CACNA1C: variants seen among roughly 807,000 people sequenced by gnomAD.
CACNA1C encodes the protein voltage-dependent L-type calcium channel subunit alpha-1C.
CACNA1C carries 30 observed loss-of-function variants against 229.0 expected under a neutral mutation model. The observed-to-expected ratio is 0.13, with a 90% confidence interval of 0.10 to 0.18. The LOEUF is 0.18. CACNA1C is among the 10% of genes least tolerant of loss of function. CACNA1C has a pLI of 1.00. For synonymous variants in CACNA1C, 1,114 were observed against 1,132.5 expected (o/e 0.98, Z 0.33); for missense variants, 1,658 against 2,845.0 (o/e 0.58, Z 9.49).
At chr12:2,200,720 G>A (rs2097557728) in intron 3 of CACNA1C, among the ~76,000 whole-genome samples, 1 of 152,212 alleles carries the variant, frequency 6.6e-6, no homozygotes, top group Non-Finnish European at 1.5e-5. Context: ...TGCGATGGTA[G>A]CTGTGGGAGT....
intron 3 of CACNA1C, among the ~76,000 whole-genome samples, chr12:2,425,529 G>A (rs2099021601): frequency 6.6e-6 from 1 of 152,212 alleles, no homozygotes. Context: ...ACAACAGCAA[G>A]TCACATTTTG....
At chr12:2,492,243 A>G (rs1466959699) in intron 6 of CACNA1C, among the ~76,000 whole-genome samples, 4 of 152,190 alleles carry the variant, frequency 2.6e-5, no homozygotes, top group Non-Finnish European at 5.9e-5. Flanking sequence ...CACTCAAAAT[A>G]TAAGTCACAT....
At chr12:2,358,251 C>CTGTGTGTGTGTG (rs57191390) in intron 3 of CACNA1C, among the ~76,000 whole-genome samples, 3 of 136,020 alleles carry the variant, frequency 2.2e-5, no homozygotes, top group East Asian at 2.2e-4. Flanking sequence ...CGGCGTCCTC[C>CTGTGTGTGTGTG]TGTGTGTGTG....
rs3062140 is a variant in CACNA1C at position 2,602,630 on chromosome 12, TTGTGTG to T, written c.2960+705_2960+710del. Among the ~76,000 whole-genome samples the T allele has an allele frequency of 0.49, 68,091 of 140,352 alleles. 16,528 individuals are homozygous for T. The highest frequency in any genetic ancestry group is 0.55 in the Non-Finnish European group (35,929 of 65,072). The allele number at this position is 140,352 out of a possible 152,430, so 92.1% of individuals were successfully genotyped here. On this transcript the variant is annotated intron_variant, in intron 22 of 46. Transcript: ENST00000399655. This position sits in a 1 kb window ranked among gnomAD's most constrained non-coding sequence, Gnocchi z 4.4. Reference sequence around the variant, plus strand: ...GTGTGTGACTGTGTATATTTGTGTCTTGTGTGTGTGTGTGTGTGTGTGTGTGTGTGT... The same window carrying T: ...GTGTGTGACTGTGTATATTTGTGTCTTGTGTGTGTGTGTGTGTGTGTGTGT...
In CACNA1C at chr12:2,005,459, T is replaced by C. The variant is rs1283647212; in HGVS notation, c.139+34258T>C. 1.3e-5 allele frequency among the ~76,000 whole-genome samples: 2 copies of C among 152,194 alleles called. 1 individual carries two copies. Among genetic ancestry groups the C allele is most frequent in the Admixed American group, 1.3e-4 (2 of 15,276 alleles). ...TATTCAAACAGGTACTTGACAGACA[T>C]TTTTCTGAAAATAAATAAAGTGTGC... On this transcript the variant is annotated intron_variant, in intron 1 of 46. Coordinates refer to the CACNA1C transcript ENST00000682462.
intron 3 of CACNA1C, among the ~76,000 whole-genome samples, chr12:2,367,673 A>G (rs2154536233): frequency 6.6e-6 from 1 of 152,334 alleles, no homozygotes; most frequent in South Asian, 2.1e-4. Context: ...TGGTGCTATA[A>G]AATACAAAAT....
At chr12:2,406,462 T>C (rs1429769550) in intron 3 of CACNA1C, among the ~76,000 whole-genome samples, 3 of 152,228 alleles carry the variant, frequency 2.0e-5, no homozygotes, top group Non-Finnish European at 4.4e-5. Context: ...TTTCTCTCCA[T>C]TCCTTATATT....
At chr12:2,302,790 C>G (rs2094672811) in intron 3 of CACNA1C, among the ~76,000 whole-genome samples, 1 of 152,154 alleles carries the variant, frequency 6.6e-6, no homozygotes, top group East Asian at 1.9e-4. Flanking sequence ...GTAAATATTC[C>G]CTCATGAGAA....
intron 1 of CACNA1C, among the ~76,000 whole-genome samples, chr12:2,094,928 A>G (rs947638174): frequency 1.3e-5 from 2 of 152,104 alleles, no homozygotes; most frequent in African/African-American, 4.8e-5. Context: ...ACAAAATGAG[A>G]CCATTTAATG....
intron 1 of CACNA1C, among the ~76,000 whole-genome samples, chr12:1,996,815 C>G (rs2041038763): frequency 6.6e-6 from 1 of 152,092 alleles, no homozygotes; most frequent in African/African-American, 2.4e-5. Context: ...AATCTATCCA[C>G]TGGCACTTAG....
intron 11 of CACNA1C, among the ~76,000 whole-genome samples, chr12:2,563,845 G>A (rs1035730301): frequency 2.0e-4 from 30 of 152,250 alleles, no homozygotes; most frequent in African/African-American, 5.3e-4. Flanking sequence ...CACACAGCAC[G>A]GAGCTGTCCC....
At chr12:2,030,151 G>T (rs1034897077) in intron 1 of CACNA1C, among the ~76,000 whole-genome samples, 1 of 152,168 alleles carries the variant, frequency 6.6e-6, no homozygotes, top group Non-Finnish European at 1.5e-5. Context: ...CAATGTTGAG[G>T]TGTTCCATTT....
chr12:2,308,213 A>G (rs1035597400), intron 3 of CACNA1C, among the ~76,000 whole-genome samples: 2 of 152,248 alleles, frequency 1.3e-5, no homozygotes, highest in Non-Finnish European at 2.9e-5. Context: ...TTTAATGTGG[A>G]TAACATGTAG....
chr12:2,606,561 T>C, intron 24 of CACNA1C, 50 bp from the exon 25 acceptor site: 2 of 1,473,790 alleles, frequency 1.4e-6, no homozygotes, highest in South Asian at 2.4e-5. Context: ...GCTTTTGGAT[T>C]GACTCATTGA....
intron 30 of CACNA1C, among the ~76,000 whole-genome samples, chr12:2,644,701 A>T (rs1357367004): frequency 6.6e-6 from 1 of 152,126 alleles, no homozygotes; most frequent in African/African-American, 2.4e-5. Context: ...CTGGCACTCC[A>T]ATGAAAATAA....
chr12:2,603,262 C>T (rs879355894), intron 22 of CACNA1C: 20 of 152,160 alleles, frequency 1.3e-4, no homozygotes, highest in Non-Finnish European at 2.4e-4. Context: ...TGATTCGGTG[C>T]AAACTGACTC....
At chr12:2,057,109 G>A (rs1300705487) in intron 1 of CACNA1C, among the ~76,000 whole-genome samples, 1 of 152,194 alleles carries the variant, frequency 6.6e-6, no homozygotes, top group Non-Finnish European at 1.5e-5. Flanking sequence ...TTAGCCCCGT[G>A]GGACCATCTC....
In CACNA1C at chr12:2,566,283, G is replaced by A. The variant is rs533588338; in HGVS notation, c.1509-139G>A. On this transcript the variant is annotated intron_variant, in intron 11 of 46. Transcript: ENST00000399655. The surrounding 1 kb of genome is among the most constrained non-coding windows in gnomAD (Gnocchi z 4.0). ...GCCTGGTTAGCTGGATGAGAAGCTG[G>A]GCTCCTTGCCACCAGATTGGGCTGC... 2.2e-4 allele frequency: 160 copies of A among 714,838 alleles called. 1 individual carries two copies. In the African/African-American group the frequency reaches 2.6e-3, roughly 12 times the overall value. The allele number at this position is 714,838 out of a possible 1,614,324, so 44.3% of individuals were successfully genotyped here.
intron 1 of CACNA1C, among the ~76,000 whole-genome samples, chr12:2,026,525 A>T (rs1444112156): frequency 6.6e-6 from 1 of 152,224 alleles, no homozygotes; most frequent in Non-Finnish European, 1.5e-5. Flanking sequence ...GGCAATGGGT[A>T]GGAATGAATG....
Sources: gnomAD v4.1 joint callset for allele counts (sites outside exome capture counted in the v4.1 genomes callset) on GRCh38, gnomAD v4.1.1 for gene constraint, Gnocchi (gnomAD v3.1) non-coding constraint, MANE v1.5 for transcripts, NCBI Gene and HGNC (gene_info 2026-07-23, HGNC 2026-07-21) for gene names.